The following RNF216 variants were observed in gnomAD, a reference collection of about 807,000 sequenced individuals.
RNF216 encodes the protein E3 ubiquitin-protein ligase RNF216.
A neutral mutation model predicts 110.8 loss-of-function variants in RNF216; 72 were observed. That is an observed-to-expected ratio of 0.65 (90% confidence interval 0.54 to 0.79). RNF216 has a LOEUF of 0.79. RNF216 is among the 30% of genes least tolerant of loss of function. The probability of loss-of-function intolerance (pLI) is 0.00; values close to 1 mark genes in which losing one functional copy is unlikely to be tolerated. For missense variants in RNF216, 1,342 were observed against 1,141.2 expected (o/e 1.18, Z -2.54); for synonymous variants, 495 against 407.5 (o/e 1.21, Z -2.59).
At chr7:5,742,586 CTTTTTTTTTTTTTT>C (rs59545890) in intron 3 of RNF216, among the ~76,000 whole-genome samples, 4 of 65,988 alleles carry the variant, frequency 6.1e-5, no homozygotes, top group Non-Finnish European at 8.2e-5. Context: ...GGTGAAAAAT[CTTTTTTTTTTTTTT>C]TTTTTTTTTT....
intron 14 of RNF216, among the ~76,000 whole-genome samples, chr7:5,651,489 C>A (rs1290018018): frequency 6.6e-6 from 1 of 152,148 alleles, no homozygotes; most frequent in African/African-American, 2.4e-5. Context: ...GCCTTAGCCT[C>A]CCAAAATGCC....
chr7:5,700,722 C>T (rs1485357082), intron 13 of RNF216, among the ~76,000 whole-genome samples: 3 of 152,074 alleles, frequency 2.0e-5, no homozygotes, highest in African/African-American at 7.2e-5. Flanking sequence ...TTAGTAGAGA[C>T]CAAAAATAAC....
rs1794617325 is a variant in RNF216 at position 5,739,269 on chromosome 7, T to C, written c.1121+7A>G. 1.9e-6 allele frequency: 3 copies of C among 1,576,016 alleles called. No individual in the cohort carries two copies. The highest frequency in any genetic ancestry group is 1.4e-5 in the African/African-American group (1 of 72,970). ...CCACCACAAAAAAAGCATGGTAGTATACTTACACATTCAGATCATAATAAT... is the reference window on the plus strand; with the variant it reads ...CCACCACAAAAAAAGCATGGTAGTACACTTACACATTCAGATCATAATAAT... On this transcript the variant is annotated splice_region_variant and intron_variant, in intron 5 of 16. Transcript: ENST00000389902.
intron 4 of RNF216, among the ~76,000 whole-genome samples, chr7:5,740,486 T>A (rs1053509895): frequency 4.6e-5 from 7 of 152,176 alleles, no homozygotes; most frequent in African/African-American, 1.7e-4. Flanking sequence ...AACACTGTCC[T>A]CCATGCTTGA....
chr7:5,740,012 A>C (rs1794663292), intron 4 of RNF216, among the ~76,000 whole-genome samples: 1 of 149,998 alleles, frequency 6.7e-6, no homozygotes, highest in African/African-American at 2.4e-5. Context: ...CAAAAAAAAA[A>C]CAAACCAAAA....
Position 5,622,984 on chromosome 7 carries a change from A to T in RNF216, c.2648T>A (p.Ile883Asn). Residue 883 changes from isoleucine (I) to asparagine (N), a missense_variant, in exon 17 of 17, where the codon ATC (isoleucine) becomes AAC (asparagine). Ile to Asn is a moderately radical substitution (Grantham distance 149). Coordinates refer to ENST00000389902, the MANE Select transcript of RNF216 (RefSeq NM_207111.4). ...CAGAGGGGGCACGTACGGGGCTGGG[A>T]TAGGCCCCATGTTGAGTGGGAAGTT... ...FNNFPLNMGP[I>N]PAPYVPPLPN... 1 of 1,614,032 alleles carries T rather than the reference A, an allele frequency of 6.2e-7. No individual in the cohort carries two copies. Among genetic ancestry groups the T allele is most frequent in the Non-Finnish European group, 8.5e-7 (1 of 1,179,994 alleles).
At chr7:5,744,690 G>A (rs187211987) in intron 3 of RNF216, among the ~76,000 whole-genome samples, 205 of 152,224 alleles carry the variant, frequency 1.3e-3, no homozygotes, top group African/African-American at 4.9e-3. Context: ...GAAAACTTCT[G>A]GCTAGGCACG....
chr7:5,776,530 G>C (rs1478824605), intron 1 of RNF216, among the ~76,000 whole-genome samples: 2 of 146,746 alleles, frequency 1.4e-5, no homozygotes, highest in African/African-American at 5.1e-5. Context: ...GGGAGGCGGA[G>C]CTTGCAGTGA....
intron 13 of RNF216, among the ~76,000 whole-genome samples, chr7:5,707,234 T>C (rs1792352092): frequency 6.6e-6 from 1 of 152,248 alleles, no homozygotes; most frequent in South Asian, 2.1e-4. Context: ...CTGTCTAGGA[T>C]ATTTGGGATC....
intron 15 of RNF216, among the ~76,000 whole-genome samples, chr7:5,632,530 G>T (rs146886234): frequency 6.6e-6 from 1 of 152,310 alleles, no homozygotes; most frequent in East Asian, 1.9e-4. Context: ...GATGTGTCAG[G>T]CCAGGGTAGA....
intron 3 of RNF216, among the ~76,000 whole-genome samples, chr7:5,748,145 G>T (rs1468520208): frequency 6.6e-6 from 1 of 152,126 alleles, no homozygotes. Context: ...TCTTAACACA[G>T]ACAGAGGACT....
At chr7:5,739,130 G>A (rs1179114431) in intron 5 of RNF216, 146 bp downstream of exon 5, 1 of 953,054 alleles carries the variant, frequency 1.0e-6, no homozygotes, top group East Asian at 3.1e-5. Context: ...TCTGAAGATG[G>A]ATGGTGGTGA....
chr7:5,630,867 C>G (rs1424788735), intron 15 of RNF216, among the ~76,000 whole-genome samples: 3 of 152,190 alleles, frequency 2.0e-5, no homozygotes, highest in Non-Finnish European at 1.5e-5. Context: ...GAAACCCTGG[C>G]ACAGCGAGGT....
At chr7:5,762,711 A>G (rs1041727293) in intron 1 of RNF216, among the ~76,000 whole-genome samples, 1 of 150,770 alleles carries the variant, frequency 6.6e-6, no homozygotes, top group Non-Finnish European at 1.5e-5. Context: ...CAAACAAACA[A>G]AAAAAAAATT....
Position 5,680,693 on chromosome 7 carries a change from C to T in RNF216, c.2062-28183G>A, listed in dbSNP as rs1417735766. Among the ~76,000 whole-genome samples the T allele has an allele frequency of 1.3e-5, 2 of 152,076 alleles. No homozygotes were observed. Among genetic ancestry groups the T allele is most frequent in the African/African-American group, 2.4e-5 (1 of 41,394 alleles). ...CTGGGATTACAGGTGTGAGCCACCG[C>T]GCCCAGCACTCAACACTTCTACTTG... On this transcript the variant is annotated intron_variant, in intron 13 of 16. Transcript: ENST00000389902. This position sits in a 1 kb window ranked among gnomAD's most constrained non-coding sequence, Gnocchi z 4.3.
At position 5,735,536 on chromosome 7, in the gene RNF216, C is replaced by A. The variant is rs1340113260; in HGVS notation, c.1121+3740G>T. Among the ~76,000 whole-genome samples, 12 of 150,582 alleles carry A rather than the reference C, an allele frequency of 8.0e-5. No individual in the cohort carries two copies. In the South Asian group the frequency reaches 1.2e-3, roughly 16 times the overall value. On this transcript the variant is annotated intron_variant, in intron 5 of 16. Coordinates refer to ENST00000389902, the MANE Select transcript of RNF216 (RefSeq NM_207111.4). ...AAATTTCATAACTGAAAACCAGTAACACGGTAGATGAGTTAAAAGGAGATT... is the reference window on the plus strand; with the variant it reads ...AAATTTCATAACTGAAAACCAGTAAAACGGTAGATGAGTTAAAAGGAGATT...
At chr7:5,709,784 T>C (rs1792548396) in intron 13 of RNF216, among the ~76,000 whole-genome samples, 1 of 152,230 alleles carries the variant, frequency 6.6e-6, no homozygotes, top group Non-Finnish European at 1.5e-5. Context: ...AGACAGAGTC[T>C]TAGTCTGTTG....
chr7:5,659,151 A>G (rs1788939690), intron 13 of RNF216, among the ~76,000 whole-genome samples: 1 of 152,214 alleles, frequency 6.6e-6, no homozygotes, highest in Non-Finnish European at 1.5e-5. Context: ...GGTGGGAGGC[A>G]GAGGCGAGTT....
intron 15 of RNF216, among the ~76,000 whole-genome samples, chr7:5,628,360 A>G (rs1180778091): frequency 6.6e-6 from 1 of 152,242 alleles, no homozygotes; most frequent in African/African-American, 2.4e-5. Context: ...ACTGTCAGTT[A>G]TACCTAGATA....
Sources: gnomAD v4.1 joint callset for allele counts (sites outside exome capture counted in the v4.1 genomes callset) on GRCh38, gnomAD v4.1.1 for gene constraint, Gnocchi (gnomAD v3.1) non-coding constraint, MANE v1.5 for transcripts, NCBI Gene and HGNC (gene_info 2026-07-23, HGNC 2026-07-21) for gene names.